The following MSRB3 variants were observed in gnomAD, a reference collection of about 807,000 sequenced individuals.
MSRB3 encodes the protein methionine sulfoxide reductase B3.
MSRB3 carries 13 observed loss-of-function variants against 21.0 expected under a neutral mutation model. That is an observed-to-expected ratio of 0.62 (90% CI 0.40 to 0.98). MSRB3 has a LOEUF of 0.98. Among genes scored for constraint, MSRB3 ranks in the 50% least tolerant of loss-of-function variants. The pLI is 0.00. For synonymous variants in MSRB3, 87 were observed against 88.6 expected, an observed-to-expected ratio of 0.98 and a Z score of 0.10; for missense variants, 199 against 230.3, an observed-to-expected ratio of 0.86 and a Z score of 0.88.
chr12:65,424,984 T>TATATA (rs1180228477), intron 5 of MSRB3, among the ~76,000 whole-genome samples: 1 of 24 alleles, frequency 0.042, no homozygotes, highest in Non-Finnish European at 0.1. Context: ...TATATATATA[T>TATATA]ATATATCTCA....
chr12:65,458,716 C>T (rs1027763973), intron 6 of MSRB3, among the ~76,000 whole-genome samples: 4 of 152,154 alleles, frequency 2.6e-5, no homozygotes, highest in Non-Finnish European at 4.4e-5. Flanking sequence ...TTATCTCTTC[C>T]AAAGAGGATC....
chr12:65,372,337 A>C (rs1270297090), intron 5 of MSRB3, among the ~76,000 whole-genome samples: 4 of 152,192 alleles, frequency 2.6e-5, no homozygotes. Flanking sequence ...AATTAGTTAA[A>C]ATGTCAGCTG....
At chr12:65,373,743 G>T (rs778438025) in intron 5 of MSRB3, among the ~76,000 whole-genome samples, 1 of 152,244 alleles carries the variant, frequency 6.6e-6, no homozygotes, top group Non-Finnish European at 1.5e-5. Flanking sequence ...AAATAAAGCC[G>T]AGAGTGTAGA....
At chr12:65,324,451 T>C (rs1004363530) in intron 2 of MSRB3, among the ~76,000 whole-genome samples, 7 of 152,232 alleles carry the variant, frequency 4.6e-5, no homozygotes, top group Admixed American at 1.3e-4. Flanking sequence ...TAAGAATGTT[T>C]AGATCAAAAG....
At chr12:65,337,399 A>G (rs1332781258) in intron 4 of MSRB3, among the ~76,000 whole-genome samples, 1 of 131,090 alleles carries the variant, frequency 7.6e-6, no homozygotes, top group African/African-American at 2.9e-5. Context: ...ACACCACCGT[A>G]CTCCAGCCTG....
chr12:65,410,770 T>G (rs1427655260), intron 5 of MSRB3, among the ~76,000 whole-genome samples: 1 of 152,200 alleles, frequency 6.6e-6, no homozygotes, highest in Non-Finnish European at 1.5e-5. Context: ...TTGAGAGAGA[T>G]TACTTAAAAG....
chr12:65,307,170 C>A, intron 1 of MSRB3: 1 of 373,102 alleles, frequency 2.7e-6, no homozygotes. Flanking sequence ...CTCTCTTTTC[C>A]CTGCTCTGCA....
intron 5 of MSRB3, among the ~76,000 whole-genome samples, chr12:65,397,676 G>T (rs1879887553): frequency 6.6e-6 from 1 of 151,870 alleles, no homozygotes; most frequent in African/African-American, 2.4e-5. Context: ...TGTTACATAG[G>T]TATACACGTG....
chr12:65,314,484 CTATAA>C (rs147058526), intron 2 of MSRB3, among the ~76,000 whole-genome samples: 12 of 152,080 alleles, frequency 7.9e-5, no homozygotes, highest in Non-Finnish European at 1.2e-4. Flanking sequence ...TTTAGTAGCC[CTATAA>C]TATAATAAAG....
At chr12:65,326,093 T>C (rs1267841804) in intron 2 of MSRB3, among the ~76,000 whole-genome samples, 1 of 152,232 alleles carries the variant, frequency 6.6e-6, no homozygotes, top group African/African-American at 2.4e-5. Flanking sequence ...TCTTTGTCTT[T>C]CTCCCTTTCT....
chr12:65,425,718 T>A (rs139798390), intron 5 of MSRB3, among the ~76,000 whole-genome samples: 3 of 152,270 alleles, frequency 2.0e-5, no homozygotes, highest in East Asian at 1.9e-4. Context: ...CAGCAAATTA[T>A]TGTAGCTATT....
intron 5 of MSRB3, among the ~76,000 whole-genome samples, chr12:65,384,759 T>G (rs564053597): frequency 3.3e-5 from 5 of 152,288 alleles, no homozygotes; most frequent in African/African-American, 9.6e-5. Context: ...GTGTTAATAT[T>G]TACTAGGTTT....
intron 5 of MSRB3, among the ~76,000 whole-genome samples, chr12:65,396,691 CAAAAAAAAAAAA>C (rs747120558): frequency 4.3e-5 from 1 of 23,182 alleles, no homozygotes; most frequent in Admixed American, 5.1e-4. Context: ...AACTCCATCT[CAAAAAAAAAAAA>C]AAAAGAAAGA....
intron 1 of MSRB3, among the ~76,000 whole-genome samples, chr12:65,287,132 T>TC (rs1397464498): frequency 7.7e-6 from 1 of 130,710 alleles, no homozygotes; most frequent in Non-Finnish European, 1.6e-5. Context: ...TTCATTTCTC[T>TC]TTTTTTTTTT....
At chr12:65,386,156 T>C (rs1388265764) in intron 5 of MSRB3, among the ~76,000 whole-genome samples, 1 of 152,000 alleles carries the variant, frequency 6.6e-6, no homozygotes, top group Non-Finnish European at 1.5e-5. Context: ...CTCATTACTG[T>C]TTCTTGTATC....
intron 5 of MSRB3, among the ~76,000 whole-genome samples, chr12:65,420,186 G>A (rs1881213495): frequency 6.6e-6 from 1 of 152,060 alleles, no homozygotes; most frequent in Non-Finnish European, 1.5e-5. Flanking sequence ...TGTGTTCTTG[G>A]CATCTTTTTC....
intron 5 of MSRB3, among the ~76,000 whole-genome samples, chr12:65,376,992 A>G (rs1878661287): frequency 6.6e-6 from 1 of 152,188 alleles, no homozygotes; most frequent in Non-Finnish European, 1.5e-5. Context: ...GAGACTTTAT[A>G]TGATTCAAAT....
chr12:65,367,493 A>T (rs1052551680), intron 4 of MSRB3, among the ~76,000 whole-genome samples: 3 of 152,272 alleles, frequency 2.0e-5, no homozygotes, highest in African/African-American at 7.2e-5. Flanking sequence ...GATGCAAAAA[A>T]TTCTCTTAAC....
chr12:65,373,648 A>C (rs1175705355), intron 5 of MSRB3, among the ~76,000 whole-genome samples: 2 of 152,216 alleles, frequency 1.3e-5, no homozygotes, highest in African/African-American at 4.8e-5. Context: ...CAAAGGTATA[A>C]GATTTCATGA....
Sources: allele counts gnomAD v4.1 joint callset (sites outside exome capture counted in the v4.1 genomes callset), GRCh38; gene constraint gnomAD v4.1.1; transcripts MANE v1.5; gene names NCBI Gene and HGNC (gene_info 2026-07-23, HGNC 2026-07-21).